The following MTA3 variants were observed in gnomAD, a reference collection of about 807,000 sequenced individuals.
MTA3 encodes the protein metastasis associated 1 family member 3, also known as metastasis-associated protein MTA3.
MTA3 carries 34 observed loss-of-function variants against 83.5 expected under a neutral mutation model. The ratio of observed to expected loss-of-function variants is 0.41; its 90% CI spans 0.31 to 0.54. The LOEUF is 0.54. Among genes scored for constraint, MTA3 ranks in the 20% least tolerant of loss-of-function variants. The probability of loss-of-function intolerance (pLI) is 0.33; values close to 1 mark genes in which losing one functional copy is unlikely to be tolerated. For missense variants in MTA3, 761 were observed against 726.4 expected, an observed-to-expected ratio of 1.05 and a Z score of -0.55; for synonymous variants, 303 against 252.7, an observed-to-expected ratio of 1.20 and a Z score of -1.89.
chr2:42,683,529 A>T (rs1692114938), intron 9 of MTA3, among the ~76,000 whole-genome samples: 1 of 152,168 alleles, frequency 6.6e-6, no homozygotes, highest in South Asian at 2.1e-4. Context: ...CATTTCTATT[A>T]TGATTACATT....
At chr2:42,745,621 A>G (rs2104592591) in intron 16 of MTA3, among the ~76,000 whole-genome samples, 1 of 152,194 alleles carries the variant, frequency 6.6e-6, no homozygotes, top group South Asian at 2.1e-4. Context: ...CCCAGCCTTA[A>G]GCCATTCTCC....
At chr2:42,730,803 A>G (rs1425942178) in intron 16 of MTA3, among the ~76,000 whole-genome samples, 2 of 152,120 alleles carry the variant, frequency 1.3e-5, no homozygotes, top group African/African-American at 4.8e-5. Flanking sequence ...TAAATGTTTT[A>G]TAAAATTCAG....
chr2:42,564,391 G>T (rs918287158), upstream of MTA3, among the ~76,000 whole-genome samples: 3 of 152,140 alleles, frequency 2.0e-5, no homozygotes, highest in Non-Finnish European at 4.4e-5. Flanking sequence ...TTGCACAGGA[G>T]ATCTATGGAA....
At chr2:42,619,099 A>G (rs1282741736) in intron 4 of MTA3, among the ~76,000 whole-genome samples, 1 of 152,218 alleles carries the variant, frequency 6.6e-6, no homozygotes, top group South Asian at 2.1e-4. Context: ...TACGTGAGAA[A>G]TAATGATTGC....
intron 4 of MTA3, among the ~76,000 whole-genome samples, chr2:42,621,991 C>T (rs1685608714): frequency 6.6e-6 from 1 of 152,196 alleles, no homozygotes; most frequent in Non-Finnish European, 1.5e-5. Flanking sequence ...CTCCTCACTT[C>T]CCAGACGGGG....
At chr2:42,748,201 T>TTGTGTTTGTGTG (rs1669591063) in intron 16 of MTA3, among the ~76,000 whole-genome samples, 2 of 137,618 alleles carry the variant, frequency 1.5e-5, no homozygotes, top group African/African-American at 5.4e-5. Flanking sequence ...GCTAATGTGT[T>TTGTGTTTGTGTG]TGTGTGTGTG....
chr2:42,495,655 T>C (rs1380310655), intron 2 of MTA3, among the ~76,000 whole-genome samples: 1 of 152,140 alleles, frequency 6.6e-6, no homozygotes. Flanking sequence ...TATAATGCAC[T>C]TGCCCACTGA....
At chr2:42,504,762 G>A (rs369150838) in intron 2 of MTA3, among the ~76,000 whole-genome samples, 4 of 151,728 alleles carry the variant, frequency 2.6e-5, no homozygotes, top group Admixed American at 1.3e-4. Flanking sequence ...TTCCCAAAGT[G>A]CTGGGATTAC....
intron 4 of MTA3, among the ~76,000 whole-genome samples, chr2:42,622,652 A>T (rs1485599800): frequency 2.6e-5 from 4 of 151,786 alleles, no homozygotes; most frequent in East Asian, 1.9e-4. Context: ...TTTTAAAAAA[A>T]TTTTTGCCTA....
At chr2:42,731,222 T>G (rs1668207410) in intron 16 of MTA3, among the ~76,000 whole-genome samples, 1 of 152,236 alleles carries the variant, frequency 6.6e-6, no homozygotes, top group African/African-American at 2.4e-5. Context: ...CGATCTTTAT[T>G]ATTTCTTTTC....
chr2:42,741,599 A>T (rs1573824172), intron 16 of MTA3, among the ~76,000 whole-genome samples: 1 of 93,456 alleles, frequency 1.1e-5, no homozygotes, highest in South Asian at 4.0e-4. Flanking sequence ...GAGAATAGAG[A>T]TGCTCAAGGA....
At chr2:42,622,143 C>T (rs1019166195) in intron 4 of MTA3, among the ~76,000 whole-genome samples, 17 of 152,240 alleles carry the variant, frequency 1.1e-4, no homozygotes, top group Admixed American at 9.2e-4. Context: ...CAGAGTCCGT[C>T]TGCAATCCCG....
At chr2:42,513,425 C>G (rs79393917) in intron 2 of MTA3, among the ~76,000 whole-genome samples, 1,552 of 152,198 alleles carry the variant, frequency 0.01, 20 homozygotes, top group African/African-American at 0.031. Context: ...GAGAGGACCA[C>G]TAGGAGGTGC....
At chr2:42,544,975 T>C (rs1011722722) in intron 2 of MTA3, among the ~76,000 whole-genome samples, 1 of 152,192 alleles carries the variant, frequency 6.6e-6, no homozygotes, top group African/African-American at 2.4e-5. Flanking sequence ...AGCCCATTCT[T>C]TGAACAACAT....
intron 16 of MTA3, among the ~76,000 whole-genome samples, chr2:42,752,563 G>T (rs1204347776): frequency 6.6e-6 from 1 of 152,168 alleles, no homozygotes; most frequent in Non-Finnish European, 1.5e-5. Context: ...GGGAAGTGGA[G>T]GGGGTGGGAG....
At chr2:42,544,486 A>G (rs1428458172) in intron 2 of MTA3, among the ~76,000 whole-genome samples, 2 of 151,234 alleles carry the variant, frequency 1.3e-5, no homozygotes, top group East Asian at 3.9e-4. Context: ...AAAAAAAAAC[A>G]TAGTTATAGT....
chr2:42,644,297 CA>C lies in MTA3; in HGVS notation c.499+56del. ...TGTGAAACAAATATATCTTGAAACT[CA>C]AATATACATGTCCTCATGTAGAAGA... On this transcript the variant is annotated intron_variant, in intron 6 of 16. Coordinates refer to ENST00000405094, the MANE Select transcript of MTA3 (RefSeq NM_001330442.2). 5 of 1,187,548 alleles carry C rather than the reference CA, an allele frequency of 4.2e-6. No individual in the cohort carries two copies. In the South Asian group the frequency reaches 6.6e-5, roughly 16 times the overall value. 73.6% of individuals were successfully genotyped at this position (1,187,548 alleles called of 1,614,324 possible). A position where few individuals can be genotyped will look rare whatever the true frequency, so the allele number is the denominator to read the frequency against.
At chr2:42,720,985 GAAAA>G (rs1573753957) in intron 15 of MTA3, among the ~76,000 whole-genome samples, 2 of 137,318 alleles carry the variant, frequency 1.5e-5, no homozygotes, top group Admixed American at 1.4e-4. Flanking sequence ...GAAAAGAAAA[GAAAA>G]AAAGAATATA....
intron 8 of MTA3, among the ~76,000 whole-genome samples, chr2:42,669,609 T>A (rs1330982400): frequency 6.6e-6 from 1 of 152,174 alleles, no homozygotes; most frequent in Non-Finnish European, 1.5e-5. Flanking sequence ...TCCTGCTAAA[T>A]ACATCATTAA....
Sources: allele counts gnomAD v4.1 joint callset (sites outside exome capture counted in the v4.1 genomes callset), GRCh38; gene constraint gnomAD v4.1.1; transcripts MANE v1.5; gene names NCBI Gene and HGNC (gene_info 2026-07-23, HGNC 2026-07-21).